Variants in MOXD1 observed in about 807,000 individuals in gnomAD.
MOXD1 encodes monooxygenase DBH like 1.
In MOXD1, 62 loss-of-function variants were observed where a neutral mutation model predicts 66.6. The ratio of observed to expected loss-of-function variants is 0.93; its 90% CI spans 0.76 to 1.15. The LOEUF is 1.15. Among genes scored for constraint, MOXD1 ranks in the 50% most tolerant of loss-of-function variants. MOXD1 has a pLI of 0.00. For missense variants in MOXD1, 847 were observed against 754.6 expected (o/e 1.12, Z -1.44); for synonymous variants, 303 against 281.9 (o/e 1.07, Z -0.75).
intron 10 of MOXD1, among the ~76,000 whole-genome samples, chr6:132,310,048 C>T (rs1473177654): frequency 6.6e-6 from 1 of 152,184 alleles, no homozygotes; most frequent in Non-Finnish European, 1.5e-5. Context: ...AAGAAACTAT[C>T]ATCAGATCAA....
At chr6:132,326,025 G>C (rs1250407205) in intron 6 of MOXD1, among the ~76,000 whole-genome samples, 1 of 151,818 alleles carries the variant, frequency 6.6e-6, no homozygotes, top group African/African-American at 2.4e-5. Context: ...TTATATTTTT[G>C]GCATCTACTT....
chr6:132,327,024 T>C (rs1451279227), intron 6 of MOXD1, among the ~76,000 whole-genome samples: 3 of 152,200 alleles, frequency 2.0e-5, no homozygotes, highest in Non-Finnish European at 4.4e-5. Context: ...TAATGGGTCC[T>C]ACAAGATCTT....
chr6:132,312,614 TTTC>T (rs1774855034), intron 10 of MOXD1, among the ~76,000 whole-genome samples: 1 of 151,130 alleles, frequency 6.6e-6, no homozygotes, highest in Admixed American at 6.6e-5. Flanking sequence ...TTTTTTCTTT[TTTC>T]TTTTTTTTGG....
intron 10 of MOXD1, among the ~76,000 whole-genome samples, chr6:132,314,128 C>A (rs1181250203): frequency 6.6e-6 from 1 of 152,142 alleles, no homozygotes; most frequent in Non-Finnish European, 1.5e-5. Flanking sequence ...CTTAATATAT[C>A]CAAAACAGAA....
intron 4 of MOXD1, among the ~76,000 whole-genome samples, chr6:132,351,857 A>G (rs990034813): frequency 6.6e-6 from 1 of 152,140 alleles, no homozygotes; most frequent in Non-Finnish European, 1.5e-5. Context: ...GATTTAAGCT[A>G]GGAGAGTTGT....
chr6:132,349,467 A>ATG lies in MOXD1; in HGVS notation c.664-20874_664-20873insCA, dbSNP rs1562290122. On this transcript the variant is annotated intron_variant, in intron 4 of 11. Coordinates refer to ENST00000367963, the MANE Select transcript of MOXD1 (RefSeq NM_015529.4). ...TATATATATACATATATATATATAC[A>ATG]TATATATATATATACATATATATAT... Among the ~76,000 whole-genome samples the ATG allele has an allele frequency of 4.8e-3, 127 of 26,392 alleles. 33 individuals are homozygous for ATG. Among genetic ancestry groups the ATG allele is most frequent in the African/African-American group, 0.017 (125 of 7,216 alleles). The allele number at this position is 26,392 out of a possible 152,430, so 17.3% of individuals were successfully genotyped here.
At chr6:132,392,005 A>C in intron 1 of MOXD1, 1 of 598,710 alleles carries the variant, frequency 1.7e-6, no homozygotes, top group Non-Finnish European at 2.8e-6. Flanking sequence ...GGGGGGCATA[A>C]TCTGAAGACT....
chr6:132,381,034 A>G (rs896807067), intron 1 of MOXD1, among the ~76,000 whole-genome samples: 1 of 152,356 alleles, frequency 6.6e-6, no homozygotes, highest in Non-Finnish European at 1.5e-5. Flanking sequence ...TTAAATAAAT[A>G]AGAAAAAAAT....
rs879258107 is a variant in MOXD1 at position 132,301,457 on chromosome 6, T to G, written c.1509-3502A>C. Among the ~76,000 whole-genome samples, 8 of 152,212 alleles carry G rather than the reference T, an allele frequency of 5.3e-5. No homozygotes were observed. The East Asian group carries it at 7.7e-4, about 15-fold the overall frequency. ...TTTAAAAGTTTAATGATTTTTATAC[T>G]TGGTCCCTCTGTTCTATATAAATTG... On this transcript the variant is annotated intron_variant, in intron 10 of 11. Transcript: ENST00000367963.
At chr6:132,331,018 G>A (rs1187724006) in intron 4 of MOXD1, among the ~76,000 whole-genome samples, 1 of 152,196 alleles carries the variant, frequency 6.6e-6, no homozygotes, top group African/African-American at 2.4e-5. Context: ...AAAAGGTCGT[G>A]TGGCCTGAAG....
chr6:132,357,781 T>C (rs1462472037), intron 4 of MOXD1, among the ~76,000 whole-genome samples: 1 of 152,106 alleles, frequency 6.6e-6, no homozygotes, highest in East Asian at 1.9e-4. Context: ...GCTTTGAAAT[T>C]GTTTTATATT....
chr6:132,367,667 G>A (rs1363102643), intron 4 of MOXD1, among the ~76,000 whole-genome samples: 1 of 152,018 alleles, frequency 6.6e-6, no homozygotes, highest in Non-Finnish European at 1.5e-5. Context: ...TAATAGTTGA[G>A]TTTATTAATA....
intron 1 of MOXD1, among the ~76,000 whole-genome samples, chr6:132,385,841 G>T (rs369692142): frequency 2.0e-5 from 3 of 152,090 alleles, no homozygotes; most frequent in Non-Finnish European, 1.5e-5. Flanking sequence ...GGTGGCTCAC[G>T]CCTGTAAATC....
chr6:132,401,020 G>T, intron 1 of MOXD1, 143 bp downstream of exon 1: 1 of 1,113,592 alleles, frequency 9.0e-7, no homozygotes, highest in Non-Finnish European at 1.2e-6. Flanking sequence ...CCGCGGAGGC[G>T]AGAGTGAGCG....
At chr6:132,381,562 G>A (rs1776514475) in intron 1 of MOXD1, among the ~76,000 whole-genome samples, 2 of 152,060 alleles carry the variant, frequency 1.3e-5, no homozygotes. Flanking sequence ...AAAAAAGCAA[G>A]CCACTGAAAG....
At chr6:132,310,657 TATG>T (rs1489796303) in intron 10 of MOXD1, among the ~76,000 whole-genome samples, 3 of 152,182 alleles carry the variant, frequency 2.0e-5, no homozygotes, top group African/African-American at 7.2e-5. Context: ...TATGGAATAC[TATG>T]ATGCCACAAA....
intron 10 of MOXD1, among the ~76,000 whole-genome samples, chr6:132,309,922 CAT>C (rs1368135827): frequency 6.6e-6 from 1 of 152,150 alleles, no homozygotes; most frequent in African/African-American, 2.4e-5. Flanking sequence ...TAGGCAATAC[CAT>C]TCAGGACATA....
chr6:132,356,506 C>A (rs1342695838), intron 4 of MOXD1, among the ~76,000 whole-genome samples: 1 of 152,142 alleles, frequency 6.6e-6, no homozygotes, highest in Admixed American at 6.6e-5. Flanking sequence ...TTGATTCAAT[C>A]CATTTAGCAA....
At chr6:132,346,537 C>A (rs1775672331) in intron 4 of MOXD1, among the ~76,000 whole-genome samples, 1 of 152,096 alleles carries the variant, frequency 6.6e-6, no homozygotes, top group Non-Finnish European at 1.5e-5. Context: ...TTGCTTCATG[C>A]AGAATTCTAT....
Sources: gnomAD v4.1 joint callset for allele counts (sites outside exome capture counted in the v4.1 genomes callset) on GRCh38, gnomAD v4.1.1 for gene constraint, MANE v1.5 for transcripts, NCBI Gene and HGNC (gene_info 2026-07-23, HGNC 2026-07-21) for gene names.